The following CTNNA3 variants were observed in gnomAD, a reference collection of about 807,000 sequenced individuals.
CTNNA3 encodes catenin alpha-3.
CTNNA3 carries 76 observed loss-of-function variants against 95.7 expected under a neutral mutation model. The ratio of observed to expected loss-of-function variants is 0.79; its 90% CI spans 0.66 to 0.96. The LOEUF (loss-of-function observed/expected upper bound fraction) is 0.96, where lower values mean the gene tolerates loss of function less well. Ranked by LOEUF, CTNNA3 falls within the 40% of genes least tolerant of loss-of-function variation. The pLI is 0.00. For missense variants in CTNNA3, 1,191 were observed against 1,089.8 expected, an observed-to-expected ratio of 1.09 and a Z score of -1.31; for synonymous variants, 431 against 374.4, an observed-to-expected ratio of 1.15 and a Z score of -1.74.
intron 15 of CTNNA3, among the ~76,000 whole-genome samples, chr10:65,991,011 A>C (rs2078534318): frequency 6.6e-6 from 1 of 152,116 alleles, no homozygotes; most frequent in Non-Finnish European, 1.5e-5. Flanking sequence ...CCATTTATTG[A>C]AGAGCCATCC....
chr10:66,379,180 C>T lies in CTNNA3; in HGVS notation c.1704G>A (p.Met568Ile). 1 of 1,614,110 alleles carries T rather than the reference C, an allele frequency of 6.2e-7. No individual in the cohort carries two copies. The highest frequency in any genetic ancestry group is 8.5e-7 in the Non-Finnish European group (1 of 1,179,970). ...TACTTGTAAGGAAGTTAACATTTCT[C>T]ATTACACCTTCCGTGTAAGCCCCTG... The part of the protein sequence containing the change: ...YEPGAYTEGV[M>I]RNVNFLTSTV... The change falls in exon 12 of 18, where the codon ATG (methionine) becomes ATA (isoleucine). Residue 568 changes from methionine to isoleucine, a missense_variant. Transcript: ENST00000433211.
chr10:66,808,361 G>C (rs1841738863), intron 7 of CTNNA3, among the ~76,000 whole-genome samples: 1 of 152,102 alleles, frequency 6.6e-6, no homozygotes, highest in Non-Finnish European at 1.5e-5. Context: ...GGAATATTGT[G>C]TTCAGTGAGC....
chr10:66,734,227 T>C (rs1849057084), intron 9 of CTNNA3, among the ~76,000 whole-genome samples: 1 of 152,002 alleles, frequency 6.6e-6, no homozygotes, highest in Admixed American at 6.6e-5. Flanking sequence ...AATGGTTAAT[T>C]TTCTTCTCTC....
chr10:65,971,165 T>C (rs902982568), intron 16 of CTNNA3, among the ~76,000 whole-genome samples: 1 of 151,960 alleles, frequency 6.6e-6, no homozygotes, highest in Non-Finnish European at 1.5e-5. Flanking sequence ...GCAAAAGTGC[T>C]GTTAAGAGGA....
At chr10:67,610,533 C>T (rs1426383933) in intron 2 of CTNNA3, among the ~76,000 whole-genome samples, 1 of 152,040 alleles carries the variant, frequency 6.6e-6, no homozygotes, top group Non-Finnish European at 1.5e-5. Context: ...TTTTTTTTAA[C>T]CCTAACTCAC....
At chr10:66,180,030 T>C (rs1442026261) in intron 13 of CTNNA3, among the ~76,000 whole-genome samples, 2 of 152,158 alleles carry the variant, frequency 1.3e-5, no homozygotes, top group Admixed American at 6.6e-5. Flanking sequence ...AACTTAAAAG[T>C]GTTAGTTCTG....
intron 3 of CTNNA3, among the ~76,000 whole-genome samples, chr10:67,553,590 A>T (rs911884258): frequency 1.3e-5 from 2 of 152,168 alleles, no homozygotes; most frequent in African/African-American, 4.8e-5. Flanking sequence ...ATGGCATTTA[A>T]AAATACGGGA....
chr10:67,699,771 G>A (rs1040405200), upstream of CTNNA3, among the ~76,000 whole-genome samples: 4 of 152,198 alleles, frequency 2.6e-5, no homozygotes, highest in East Asian at 1.9e-4. Flanking sequence ...GACAGTGGGC[G>A]CAGGACAGTG....
At position 67,078,069 on chromosome 10, in the gene CTNNA3, A is replaced by G. The variant is rs755426571; in HGVS notation, c.1047+102248T>C. Among the ~76,000 whole-genome samples, 8 of 152,326 alleles carry G rather than the reference A, an allele frequency of 5.3e-5. No individual in the cohort carries two copies. In the South Asian group the frequency reaches 1.7e-3, roughly 32 times the overall value. ...GACCACAGACCAGGGTCATACTTGG[A>G]CCAAGTCAATCCCAGTTACCCAAAC... On this transcript the variant is annotated intron_variant, in intron 7 of 17. Coordinates refer to ENST00000433211, the MANE Select transcript of CTNNA3 (RefSeq NM_013266.4).
At chr10:66,443,999 G>C (rs1473041683) in intron 11 of CTNNA3, among the ~76,000 whole-genome samples, 1 of 152,080 alleles carries the variant, frequency 6.6e-6, no homozygotes, top group Admixed American at 6.6e-5. Flanking sequence ...GGAGTTGAAA[G>C]CCAAGGCTCA....
At chr10:66,918,031 C>G (rs1846587207) in intron 7 of CTNNA3, among the ~76,000 whole-genome samples, 1 of 152,080 alleles carries the variant, frequency 6.6e-6, no homozygotes, top group South Asian at 2.1e-4. Context: ...GACTCTGGTG[C>G]CACATGTTTC....
At chr10:66,675,220 C>T (rs555215789) in intron 9 of CTNNA3, among the ~76,000 whole-genome samples, 6 of 151,854 alleles carry the variant, frequency 4.0e-5, no homozygotes, top group Admixed American at 1.3e-4. Context: ...TGATTAAACC[C>T]GATCCATCTG....
chr10:67,521,941 A>G lies in CTNNA3; in HGVS notation c.480T>C (p.Ser160=), dbSNP rs766602512. The change falls in exon 5 of 18, where the codon TCT becomes TCC. Residue 160 remains serine (S), a synonymous_variant. Transcript: ENST00000433211. ...HVSAFQRTFE[S]LKNVANKSDL... ...CAGATTTGTTGGCAACATTTTTGAG[A>G]GACTCAAATGTCCTTTGAAACTGAA... 7.4e-6 allele frequency: 12 copies of G among 1,612,950 alleles called. No homozygotes were observed. The highest frequency in any genetic ancestry group is 9.3e-6 in the Non-Finnish European group (11 of 1,179,266).
At chr10:66,164,682 C>T (rs965382375) in intron 13 of CTNNA3, among the ~76,000 whole-genome samples, 1 of 152,084 alleles carries the variant, frequency 6.6e-6, no homozygotes, top group Non-Finnish European at 1.5e-5. Flanking sequence ...GAACAATTGA[C>T]ACAATACATA....
chr10:65,929,592 A>T (rs1173268451), intron 17 of CTNNA3, among the ~76,000 whole-genome samples: 1 of 149,598 alleles, frequency 6.7e-6, no homozygotes, highest in Non-Finnish European at 1.5e-5. Flanking sequence ...TTTTGGAGAC[A>T]GAGTCTCCCT....
At chr10:67,169,828 C>A (rs1861935129) in intron 7 of CTNNA3, among the ~76,000 whole-genome samples, 1 of 152,122 alleles carries the variant, frequency 6.6e-6, no homozygotes, top group South Asian at 2.1e-4. Context: ...AGTAAACAGA[C>A]AACCTACAGA....
intron 1 of CTNNA3, among the ~76,000 whole-genome samples, chr10:67,656,706 T>C (rs916176181): frequency 6.6e-5 from 10 of 151,330 alleles, no homozygotes; most frequent in Non-Finnish European, 2.9e-5. Flanking sequence ...GGCAAGAAAA[T>C]TAGCCAAGCA....
intron 8 of CTNNA3, among the ~76,000 whole-genome samples, chr10:66,772,495 C>T (rs1461049612): frequency 6.7e-6 from 1 of 149,750 alleles, no homozygotes; most frequent in African/African-American, 2.5e-5. Context: ...GAGGAGGACA[C>T]AACACTGCGA....
chr10:66,822,502 C>T lies in CTNNA3; in HGVS notation c.1048-46978G>A, dbSNP rs34690469. ...ATATTTACAAGTACAATTAATGAAG[C>T]ACACCCATTCTCCTATACATATTAT... On this transcript the variant is annotated intron_variant, in intron 7 of 17. Coordinates refer to ENST00000433211, the MANE Select transcript of CTNNA3 (RefSeq NM_013266.4). Among the ~76,000 whole-genome samples the T allele has an allele frequency of 6.4e-3, 974 of 152,300 alleles. 5 individuals are homozygous for T. Among genetic ancestry groups the T allele is most frequent in the South Asian group, 0.016 (77 of 4,832 alleles).
Sources: allele counts gnomAD v4.1 joint callset (sites outside exome capture counted in the v4.1 genomes callset), GRCh38; gene constraint gnomAD v4.1.1; transcripts MANE v1.5; gene names NCBI Gene and HGNC (gene_info 2026-07-23, HGNC 2026-07-21).